Variants in CLPTM1 observed in about 807,000 individuals in gnomAD.
CLPTM1 encodes putative lipid scramblase CLPTM1.
CLPTM1 carries 21 observed loss-of-function variants against 77.3 expected under a neutral mutation model. The ratio of observed to expected loss-of-function variants is 0.27; its 90% CI spans 0.19 to 0.39. CLPTM1 has a LOEUF of 0.39. Among genes scored for constraint, CLPTM1 ranks in the 10% least tolerant of loss-of-function variants. The pLI, the probability that CLPTM1 is intolerant of heterozygous loss-of-function variation, is 1.00. For synonymous variants in CLPTM1, 373 were observed against 381.0 expected (o/e 0.98, Z 0.24); for missense variants, 642 against 921.2 (o/e 0.70, Z 3.92).
At chr19:44,987,796 G>A (rs1291555621) in intron 8 of CLPTM1, 5 of 563,896 alleles carry the variant, frequency 8.9e-6, no homozygotes, top group African/African-American at 1.9e-5. Context: ...CTGGGCTGTC[G>A]TCACTGTTGG....
At chr19:44,959,110 T>A (rs1362119378) in intron 1 of CLPTM1, among the ~76,000 whole-genome samples, 1 of 152,268 alleles carries the variant, frequency 6.6e-6, no homozygotes, top group African/African-American at 2.4e-5. Flanking sequence ...TGACACAGTT[T>A]ATTCTTTCAG....
intron 3 of CLPTM1, 107 bp downstream of exon 3, chr19:44,973,317 G>T: frequency 6.7e-7 from 1 of 1,481,812 alleles, no homozygotes; most frequent in Non-Finnish European, 9.2e-7. Context: ...TTGCTCACTG[G>T]CAGGTCTAGG....
At chr19:44,968,051 A>T (rs73558172) in intron 2 of CLPTM1, among the ~76,000 whole-genome samples, 3 of 151,918 alleles carry the variant, frequency 2.0e-5, no homozygotes, top group Non-Finnish European at 4.4e-5. Flanking sequence ...CTGCTCCTTG[A>T]TTTTTTTCAT....
At chr19:44,982,113 T>TTGAG (rs112449454) in intron 5 of CLPTM1, among the ~76,000 whole-genome samples, 14,460 of 151,416 alleles carry the variant, frequency 0.095, 1,129 homozygotes, top group African/African-American at 0.22. Context: ...CTTTGGGAGG[T>TTGAG]TGAGGCAGGT....
At chr19:44,975,805 C>T (rs573097395) in intron 4 of CLPTM1, among the ~76,000 whole-genome samples, 1 of 152,240 alleles carries the variant, frequency 6.6e-6, no homozygotes, top group African/African-American at 2.4e-5. Flanking sequence ...CTCAAGTGAT[C>T]CACCTACCTT....
chr19:44,956,956 G>T (rs189798301), intron 1 of CLPTM1, among the ~76,000 whole-genome samples: 227 of 152,214 alleles, frequency 1.5e-3, no homozygotes, highest in African/African-American at 5.1e-3. Context: ...TGCTTTGTTT[G>T]GGGGGCTGCC....
intron 2 of CLPTM1, among the ~76,000 whole-genome samples, chr19:44,972,282 C>T (rs144322504): frequency 6.6e-6 from 1 of 150,646 alleles, no homozygotes; most frequent in Non-Finnish European, 1.5e-5. Context: ...GAGTCTCGCT[C>T]TGTTGCCCAG....
intron 1 of CLPTM1, among the ~76,000 whole-genome samples, chr19:44,961,578 C>T (rs930980914): frequency 2.0e-5 from 3 of 152,298 alleles, no homozygotes; most frequent in African/African-American, 7.2e-5. Flanking sequence ...TTTTAGGTCT[C>T]AGCTTCAATG....
At position 44,991,474 on chromosome 19, in the gene CLPTM1, A is replaced by T. The variant is rs1971075073; in HGVS notation, c.1555+101A>T. On this transcript the variant is annotated intron_variant, in intron 12 of 13. Coordinates refer to ENST00000337392, the MANE Select transcript of CLPTM1 (RefSeq NM_001294.4). The surrounding 1 kb of genome is among the most constrained non-coding windows in gnomAD (Gnocchi z 5.4). ...ACCCATCCCCAGACAGGGACAACCT[A>T]GGGTGGGCAGAGCTGGGATATAGGG... 1 of 1,456,906 alleles carries T rather than the reference A, an allele frequency of 6.9e-7. No homozygotes were observed. Among genetic ancestry groups the T allele is most frequent in the Admixed American group, 1.9e-5 (1 of 53,842 alleles). 90.2% of individuals were successfully genotyped at this position (1,456,906 alleles called of 1,614,324 possible).
At chr19:44,969,355 T>C (rs1227845258) in intron 2 of CLPTM1, among the ~76,000 whole-genome samples, 2 of 152,188 alleles carry the variant, frequency 1.3e-5, no homozygotes, top group African/African-American at 4.8e-5. Context: ...GTTTAGAGGC[T>C]GGGCTCATAA....
chr19:44,980,523 AAAAAG>A (rs1205033795), intron 5 of CLPTM1, among the ~76,000 whole-genome samples: 116 of 150,450 alleles, frequency 7.7e-4, no homozygotes, highest in African/African-American at 2.6e-3. Flanking sequence ...AAAAAAAAAA[AAAAAG>A]AAAAGAAAAG....
chr19:44,956,957 G>C (rs1970473720), intron 1 of CLPTM1, among the ~76,000 whole-genome samples: 1 of 152,056 alleles, frequency 6.6e-6, no homozygotes, highest in Admixed American at 6.5e-5. Context: ...GCTTTGTTTG[G>C]GGGGCTGCCC....
In CLPTM1 at chr19:44,971,964, G is replaced by A. The variant is rs902249777; in HGVS notation, c.186-1123G>A. On this transcript the variant is annotated intron_variant, in intron 2 of 13. Transcript: ENST00000337392. ...CGGCTCACTGCAACCTACGCCTCCC[G>A]GGTTCAAGTGATTCTCCTGCCTCAG... Among the ~76,000 whole-genome samples the A allele has an allele frequency of 2.5e-4, 33 of 133,060 alleles. No individual in the cohort carries two copies. In the Admixed American group the frequency reaches 2.9e-3, roughly 12 times the overall value. The allele number at this position is 133,060 out of a possible 152,430, so 87.3% of individuals were successfully genotyped here. A position where few individuals can be genotyped will look rare whatever the true frequency, so the allele number is the denominator to read the frequency against.
At position 44,990,249 on chromosome 19, in the gene CLPTM1, G is replaced by A. The variant is rs1971047760; in HGVS notation, c.1133-146G>A. The A allele has an allele frequency of 1.3e-6, 1 of 755,102 alleles. No homozygotes were observed. Among genetic ancestry groups the A allele is most frequent in the Non-Finnish European group, 2.2e-6 (1 of 457,488 alleles). The allele number at this position is 755,102 out of a possible 1,614,324, so 46.8% of individuals were successfully genotyped here. A position where few individuals can be genotyped will look rare whatever the true frequency, so the allele number is the denominator to read the frequency against. On this transcript the variant is annotated intron_variant, in intron 9 of 13. Coordinates refer to ENST00000337392, the MANE Select transcript of CLPTM1 (RefSeq NM_001294.4). This position sits in a 1 kb window ranked among gnomAD's most constrained non-coding sequence, Gnocchi z 4.8. ...CCAATGAATATGAGAGCCTTCCTGG[G>A]AGAGAGGGGTCTCGTTCAGCACCCC...
At chr19:44,954,769 T>C, upstream of CLPTM1, 2 of 1,350,732 alleles carry the variant, frequency 1.5e-6, no homozygotes, top group Non-Finnish European at 1.9e-6. Context: ...GGGTGTATCA[T>C]AGGGTCTCAT....
intron 2 of CLPTM1, among the ~76,000 whole-genome samples, chr19:44,969,088 TC>T (rs1372538175): frequency 6.6e-6 from 1 of 152,214 alleles, no homozygotes; most frequent in Non-Finnish European, 1.5e-5. Flanking sequence ...TATGCCTTTT[TC>T]CTATGATTAA....
At chr19:44,957,308 C>G (rs373489863) in intron 1 of CLPTM1, among the ~76,000 whole-genome samples, 1 of 152,204 alleles carries the variant, frequency 6.6e-6, no homozygotes, top group Non-Finnish European at 1.5e-5. Context: ...GTCTGGGCTC[C>G]GCTGTCCCAG....
At chr19:44,965,230 T>G (rs1453662115) in intron 2 of CLPTM1, among the ~76,000 whole-genome samples, 1 of 152,220 alleles carries the variant, frequency 6.6e-6, no homozygotes, top group Admixed American at 6.5e-5. Context: ...CCAGGTGCGG[T>G]GGCTCACGCC....
At position 44,962,025 on chromosome 19, in the gene CLPTM1, G is replaced by C; in HGVS notation, c.135G>C (p.Pro45=). 1 of 1,611,268 alleles carries C rather than the reference G, an allele frequency of 6.2e-7. No homozygotes were observed. Among genetic ancestry groups the C allele is most frequent in the Non-Finnish European group, 8.5e-7 (1 of 1,179,124 alleles). Residue 45 remains proline (P), a synonymous_variant, in exon 2 of 14, where the codon CCG becomes CCC. Coordinates refer to ENST00000337392, the MANE Select transcript of CLPTM1 (RefSeq NM_001294.4). The stretch of plus-strand genomic sequence containing the variant: ...CGGAGACCCAGCCTCAGAACCCACC[G>C]GCCCAGCCGGCACCCAATGCCTGGC... The part of the protein sequence containing the change: ...PPAETQPQNP[P]AQPAPNAWQV...
Sources: gnomAD v4.1 joint callset for allele counts (sites outside exome capture counted in the v4.1 genomes callset) on GRCh38, gnomAD v4.1.1 for gene constraint, Gnocchi (gnomAD v3.1) non-coding constraint, MANE v1.5 for transcripts, NCBI Gene and HGNC (gene_info 2026-07-23, HGNC 2026-07-21) for gene names.